MED19: variants seen among roughly 807,000 people sequenced by gnomAD.
MED19 encodes the protein mediator complex subunit 19.
MED19 carries 4 observed loss-of-function variants against 19.9 expected under a neutral mutation model. That is an observed-to-expected ratio of 0.20 (90% CI 0.10 to 0.46). The LOEUF is 0.46. MED19 is among the 20% of genes least tolerant of loss of function. MED19 has a pLI of 0.99. For missense variants in MED19, 303 were observed against 318.7 expected (o/e 0.95, Z 0.38); for synonymous variants, 139 against 119.6 (o/e 1.16, Z -1.06).
At chr11:57,712,153 C>T (rs144414708) in exon 1 of MED19, 35 of 1,532,494 alleles carry the variant, frequency 2.3e-5, no homozygotes, top group Admixed American at 6.2e-5. Flanking sequence ...CAGCCTGAGC[C>T]CCAAACAGTG....
intron 4 of MED19, 94 bp downstream of exon 4, chr11:57,704,207 TG>T (rs1946480768): frequency 6.6e-7 from 1 of 1,526,102 alleles, no homozygotes; most frequent in African/African-American, 1.4e-5. Context: ...TTTTCAATCT[TG>T]GGTCCAACTT....
intron 3 of MED19, 50 bp downstream of exon 3, chr11:57,704,669 G>GTTTTTTTTTTTTTTTTTTTTTTT (rs34198151): frequency 4.7e-6 from 6 of 1,287,746 alleles, no homozygotes; most frequent in South Asian, 2.8e-5. Flanking sequence ...AGAAGGTCAG[G>GTTTTTTTTTTTTTTTTTTTTTTT]TTTTTTTTTT....
At chr11:57,704,939 TC>T (rs758456874) in intron 2 of MED19, 33 bp downstream of exon 2, 15 of 1,606,344 alleles carry the variant, frequency 9.3e-6, no homozygotes, top group African/African-American at 1.3e-5. Context: ...TGTTTAGGCC[TC>T]CCCATTTGCC....
rs1230633389 is a variant in MED19, at chr11:57,704,880, A to T, written c.475-65T>A. ...GAAATCTCTCCTGCTCTTATCATCC[A>T]TTCTGCTCCATTATGAAGGAACAGA... On this transcript the variant is annotated intron_variant, in intron 2 of 4. Coordinates refer to ENST00000431606, the Ensembl canonical transcript of MED19. 6 of 1,608,040 alleles carry T rather than the reference A, an allele frequency of 3.7e-6. No homozygotes were observed. In the African/African-American group the frequency reaches 8.0e-5, roughly 22 times the overall value.
chr11:57,705,300 T>G, intron 1 of MED19, 71 bp from the exon 2 acceptor site: 1 of 1,485,398 alleles, frequency 6.7e-7, no homozygotes, highest in Non-Finnish European at 9.1e-7. Flanking sequence ...GGACTATATA[T>G]TAACCTAAAT....
At chr11:57,704,669 GTTTTT>G (rs34198151) in intron 3 of MED19, 45 bp downstream of exon 3, 2,607 of 1,280,446 alleles carry the variant, frequency 2.0e-3, no homozygotes, top group Middle Eastern at 2.8e-3. Context: ...AGAAGGTCAG[GTTTTT>G]TTTTTTTTTT....
Position 57,704,495 on chromosome 11 carries a change from G to A in MED19, c.572-99C>T, listed in dbSNP as rs1946483814. 1.8e-5 allele frequency: 29 copies of A among 1,570,736 alleles called. No homozygotes were observed. The South Asian group carries it at 3.5e-4, about 19-fold the overall frequency. On this transcript the variant is annotated intron_variant, in intron 3 of 4. Transcript: ENST00000431606. The stretch of plus-strand genomic sequence containing the variant: ...AGGAAAATCCCAAGTCGGGGCAACT[G>A]CTTTTGTCCAAATGGCCAGAAAGGA...
chr11:57,712,108 T>G, exon 1 of MED19: 1 of 1,527,402 alleles, frequency 6.5e-7, no homozygotes, highest in Non-Finnish European at 8.8e-7. Flanking sequence ...GCTTTCCTGG[T>G]CCGAAGCCGA....
intron 1 of MED19, among the ~76,000 whole-genome samples, chr11:57,709,999 C>G (rs1161602138): frequency 6.6e-6 from 1 of 152,234 alleles, no homozygotes; most frequent in Non-Finnish European, 1.5e-5. Flanking sequence ...AATTTCCCCA[C>G]TTTCTATTTG....
intron 1 of MED19, among the ~76,000 whole-genome samples, 153 bp downstream of exon 1, chr11:57,711,810 T>C (rs1016711816): frequency 5.9e-5 from 9 of 152,050 alleles, no homozygotes; most frequent in African/African-American, 2.2e-4. Context: ...TCCCTCTGCT[T>C]GTGAATCCTA....
chr11:57,707,022 AC>A (rs1946516249), intron 1 of MED19, among the ~76,000 whole-genome samples: 1 of 152,080 alleles, frequency 6.6e-6, no homozygotes, highest in African/African-American at 2.4e-5. Context: ...ATATGGTGAA[AC>A]CCCATCTCTA....
chr11:57,711,969 G>C, exon 1 of MED19: 5 of 1,458,288 alleles, frequency 3.4e-6, no homozygotes, highest in Non-Finnish European at 4.6e-6. Flanking sequence ...TCACCTGGCA[G>C]TTCCCTCATG....
At chr11:57,705,638 C>T (rs1409328838) in intron 1 of MED19, among the ~76,000 whole-genome samples, 2 of 142,594 alleles carry the variant, frequency 1.4e-5, no homozygotes, top group Non-Finnish European at 1.5e-5. Flanking sequence ...TGGACAACAG[C>T]GAGACTCTGT....
chr11:57,712,214 C>T (rs1194235391), exon 1 of MED19: 3 of 1,478,882 alleles, frequency 2.0e-6, no homozygotes, highest in East Asian at 2.7e-5. Flanking sequence ...TCCGTGTCTG[C>T]CGTTGGTAAT....
chr11:57,704,657 T>G, intron 3 of MED19, 62 bp downstream of exon 3: 1 of 1,480,516 alleles, frequency 6.8e-7, no homozygotes, highest in Non-Finnish European at 9.3e-7. Flanking sequence ...CAAACCAGAT[T>G]CAGAAGGTCA....
exon 5 of MED19, chr11:57,704,070 A>G: frequency 6.5e-7 from 1 of 1,536,160 alleles, no homozygotes; most frequent in Non-Finnish European, 8.7e-7. Flanking sequence ...CTGGCCTGGG[A>G]GCTGCCCATA....
intron 1 of MED19, among the ~76,000 whole-genome samples, chr11:57,706,754 A>G (rs886140643): frequency 3.9e-5 from 6 of 151,936 alleles, no homozygotes; most frequent in African/African-American, 1.5e-4. Flanking sequence ...AACAAAACAA[A>G]ACAACAAAAA....
intron 1 of MED19, among the ~76,000 whole-genome samples, chr11:57,710,967 C>T (rs955281692): frequency 1.1e-4 from 16 of 152,204 alleles, no homozygotes; most frequent in African/African-American, 3.4e-4. Context: ...GCTGGGATTA[C>T]AGGCGTGAGC....
At chr11:57,712,197 C>T in exon 1 of MED19, 2 of 1,504,970 alleles carry the variant, frequency 1.3e-6, no homozygotes, top group African/African-American at 1.4e-5. Flanking sequence ...TCCGCCCCGG[C>T]GCTGTCTCCG....
Sources: gnomAD v4.1 joint callset for allele counts (sites outside exome capture counted in the v4.1 genomes callset) on GRCh38, gnomAD v4.1.1 for gene constraint, MANE v1.5 for transcripts, NCBI Gene and HGNC (gene_info 2026-07-23, HGNC 2026-07-21) for gene names.